The following CERS6 variants were observed in gnomAD, a reference collection of about 807,000 sequenced individuals.
CERS6 encodes LAG1 homolog, ceramide synthase 6.
Under a neutral mutation model 56.8 loss-of-function variants are expected in CERS6, and 26 were observed. That is an observed-to-expected ratio of 0.46 (90% CI 0.34 to 0.63). The LOEUF (loss-of-function observed/expected upper bound fraction) is 0.63, where lower values mean the gene tolerates loss of function less well. Ranked by LOEUF, CERS6 falls within the 30% of genes least tolerant of loss-of-function variation. The pLI is 0.01. For missense variants in CERS6, 415 were observed against 467.5 expected (o/e 0.89, Z 1.04); for synonymous variants, 164 against 173.3 (o/e 0.95, Z 0.42).
intron 3 of CERS6, among the ~76,000 whole-genome samples, chr2:168,566,764 A>G (rs1695890656): frequency 6.7e-6 from 1 of 149,570 alleles, no homozygotes; most frequent in South Asian, 2.1e-4. Context: ...TATGGGGAAT[A>G]TGTTCAACAT....
At chr2:168,496,828 A>G (rs1016038381) in intron 1 of CERS6, among the ~76,000 whole-genome samples, 3 of 152,194 alleles carry the variant, frequency 2.0e-5, no homozygotes, top group Non-Finnish European at 4.4e-5. Context: ...ATTTAATTCT[A>G]AAATGAAAAT....
chr2:168,511,162 C>T (rs992392731), intron 1 of CERS6, among the ~76,000 whole-genome samples: 24 of 152,196 alleles, frequency 1.6e-4, no homozygotes, highest in African/African-American at 5.8e-4. Flanking sequence ...TCTTAAGTCT[C>T]CATTTCTCCT....
chr2:168,592,747 C>T (rs1332204807), intron 3 of CERS6, among the ~76,000 whole-genome samples: 1 of 152,082 alleles, frequency 6.6e-6, no homozygotes, highest in African/African-American at 2.4e-5. Flanking sequence ...GGGAGACCAT[C>T]AATATTATGA....
Position 168,484,167 on chromosome 2 carries a change from G to GTTTTTT in CERS6, c.170+27575_170+27580dup, listed in dbSNP as rs34492119. Reference sequence around the variant, plus strand: ...TTTTCTTTTTCTTTTTCTTTTTTCTGTTTTTTTTTTTTTTTTTTTTTTTTT... The same window carrying GTTTTTT: ...TTTTCTTTTTCTTTTTCTTTTTTCTGTTTTTTTTTTTTTTTTTTTTTTTTTTTTTTT... On this transcript the variant is annotated intron_variant, in intron 1 of 9. Transcript: ENST00000305747. Among the ~76,000 whole-genome samples the GTTTTTT allele has an allele frequency of 1.2e-3, 64 of 51,612 alleles. 4 individuals are homozygous for GTTTTTT. The highest frequency in any genetic ancestry group is 1.6e-3 in the Non-Finnish European group (44 of 27,056). The allele number at this position is 51,612 out of a possible 152,430, so 33.9% of individuals were successfully genotyped here. A position where few individuals can be genotyped will look rare whatever the true frequency, so the allele number is the denominator to read the frequency against.
At chr2:168,502,930 G>A (rs1257461490) in intron 1 of CERS6, among the ~76,000 whole-genome samples, 1 of 152,152 alleles carries the variant, frequency 6.6e-6, no homozygotes, top group Non-Finnish European at 1.5e-5. Context: ...AGTCCATGCA[G>A]GGTGAGAGAA....
chr2:168,670,966 T>TTCC (rs1685893976), intron 4 of CERS6, among the ~76,000 whole-genome samples: 46 of 30,570 alleles, frequency 1.5e-3, no homozygotes, highest in Middle Eastern at 0.021. Context: ...GATACATGCT[T>TTCC]CCCCCCCCCC....
chr2:168,626,334 G>A (rs892597492), intron 3 of CERS6, among the ~76,000 whole-genome samples: 5 of 152,164 alleles, frequency 3.3e-5, no homozygotes, highest in African/African-American at 9.7e-5. Context: ...GTCGTGCGGG[G>A]TGGTGGCTGC....
At chr2:168,554,640 C>T (rs1363193185) in intron 2 of CERS6, among the ~76,000 whole-genome samples, 1 of 152,094 alleles carries the variant, frequency 6.6e-6, no homozygotes, top group African/African-American at 2.4e-5. Context: ...TTAACAGCCT[C>T]CAGAACCATG....
At chr2:168,528,373 G>C (rs1010278697) in intron 1 of CERS6, among the ~76,000 whole-genome samples, 4 of 152,192 alleles carry the variant, frequency 2.6e-5, no homozygotes, top group Non-Finnish European at 1.5e-5. Flanking sequence ...TTCTTCCCCA[G>C]TCCCTACTCT....
intron 8 of CERS6, among the ~76,000 whole-genome samples, chr2:168,749,288 C>T (rs1213163866): frequency 1.3e-5 from 2 of 152,210 alleles, no homozygotes. Flanking sequence ...TCTGAATCCC[C>T]ACACTCATAA....
intron 1 of CERS6, among the ~76,000 whole-genome samples, chr2:168,535,159 C>T (rs964822029): frequency 6.6e-6 from 1 of 152,212 alleles, no homozygotes; most frequent in Admixed American, 6.5e-5. Flanking sequence ...GTGTGAGTCC[C>T]AGTGCTGGCT....
chr2:168,694,966 C>T lies in CERS6; in HGVS notation c.524C>T (p.Thr175Ile), dbSNP rs777132896. The T allele has an allele frequency of 8.7e-6, 14 of 1,613,102 alleles. No homozygotes were observed. Among genetic ancestry groups the T allele is most frequent in the Non-Finnish European group, 1.2e-5 (14 of 1,179,374 alleles). Residue 175 changes from threonine (T) to isoleucine (I), a missense_variant, in exon 6 of 10, where the codon ACA (threonine) becomes ATA (isoleucine). Coordinates refer to ENST00000305747, the MANE Select transcript of CERS6 (RefSeq NM_203463.3). ...TTTTTCTTTCACCTTCAGCCACTCA[C>T]AACTGACCTTCACTACTATTACATC... ...CWYNYPYQPL[T>I]TDLHYYYILE...
At chr2:168,528,304 C>T (rs981288208) in intron 1 of CERS6, among the ~76,000 whole-genome samples, 9 of 152,096 alleles carry the variant, frequency 5.9e-5, no homozygotes, top group Non-Finnish European at 1.2e-4. Flanking sequence ...CTTACTTTTC[C>T]CCAGCAATCT....
At chr2:168,500,329 A>G (rs1694556871) in intron 1 of CERS6, among the ~76,000 whole-genome samples, 1 of 152,212 alleles carries the variant, frequency 6.6e-6, no homozygotes, top group African/African-American at 2.4e-5. Context: ...ACAAATTAAA[A>G]CAAGGGGTGG....
intron 4 of CERS6, among the ~76,000 whole-genome samples, chr2:168,667,241 C>T (rs1158923348): frequency 2.0e-5 from 3 of 152,224 alleles, no homozygotes; most frequent in African/African-American, 7.2e-5. Context: ...AACCCCAGAT[C>T]TTATCTGCCC....
At chr2:168,766,944 T>C (rs1318870647) in intron 9 of CERS6, among the ~76,000 whole-genome samples, 1 of 152,248 alleles carries the variant, frequency 6.6e-6, no homozygotes, top group Non-Finnish European at 1.5e-5. Flanking sequence ...AAGCTAAAGT[T>C]CATTTTTCTC....
chr2:168,469,689 C>T (rs1693943134), intron 1 of CERS6, among the ~76,000 whole-genome samples: 1 of 152,100 alleles, frequency 6.6e-6, no homozygotes, highest in Admixed American at 6.5e-5. Context: ...CTTTTATTGG[C>T]ACCATGTGAA....
intron 1 of CERS6, among the ~76,000 whole-genome samples, chr2:168,470,023 G>T (rs940604804): frequency 6.6e-6 from 1 of 151,998 alleles, no homozygotes; most frequent in Non-Finnish European, 1.5e-5. Flanking sequence ...ATTTGAGATT[G>T]TCTCAGGAAA....
intron 3 of CERS6, among the ~76,000 whole-genome samples, chr2:168,593,192 C>G (rs1224668811): frequency 3.3e-5 from 5 of 152,162 alleles, no homozygotes; most frequent in South Asian, 2.1e-4. Context: ...CCCGAAACAT[C>G]GGGATAATAT....
Sources: allele counts gnomAD v4.1 joint callset (sites outside exome capture counted in the v4.1 genomes callset), GRCh38; gene constraint gnomAD v4.1.1; transcripts MANE v1.5; gene names NCBI Gene and HGNC (gene_info 2026-07-23, HGNC 2026-07-21).